The following DCAF12 variants were observed in gnomAD, a reference collection of about 807,000 sequenced individuals.
DCAF12 encodes DDB1- and CUL4-associated factor 12.
A neutral mutation model predicts 52.8 loss-of-function variants in DCAF12; 28 were observed. The observed-to-expected ratio is 0.53, with a 90% CI of 0.39 to 0.73. The LOEUF (loss-of-function observed/expected upper bound fraction) is 0.73, where lower values mean the gene tolerates loss of function less well. DCAF12 is among the 30% of genes least tolerant of loss of function. The probability of loss-of-function intolerance (pLI) is 0.00; values close to 1 mark genes in which losing one functional copy is unlikely to be tolerated. For missense variants in DCAF12, 425 were observed against 552.2 expected, an observed-to-expected ratio of 0.77 and a Z score of 2.31; for synonymous variants, 196 against 215.5, an observed-to-expected ratio of 0.91 and a Z score of 0.79.
At chr9:34,120,367 C>T (rs1462338226) in intron 2 of DCAF12, among the ~76,000 whole-genome samples, 1 of 151,856 alleles carries the variant, frequency 6.6e-6, no homozygotes, top group Non-Finnish European at 1.5e-5. Flanking sequence ...GTGCAAAATG[C>T]TGTCTTGAAA....
At chr9:34,108,999 TATATG>T (rs201084648) in intron 2 of DCAF12, among the ~76,000 whole-genome samples, 8 of 60,394 alleles carry the variant, frequency 1.3e-4, no homozygotes, top group Non-Finnish European at 2.8e-4. Context: ...TATATATATA[TATATG>T]GTTTTTTTTT....
intron 4 of DCAF12, among the ~76,000 whole-genome samples, chr9:34,100,919 A>G (rs1980887): frequency 0.7 from 106,218 of 151,554 alleles, 37,953 homozygotes; most frequent in Non-Finnish European, 0.77. Context: ...GATTAAAGGC[A>G]TGAGCCACCA....
intron 6 of DCAF12, chr9:34,096,346 C>A (rs938459774): frequency 5.0e-6 from 1 of 199,626 alleles, no homozygotes; most frequent in Non-Finnish European, 1.0e-5. Context: ...TGACTGCACT[C>A]CAACTTGGGT....
chr9:34,112,057 T>C (rs977279044), intron 2 of DCAF12, among the ~76,000 whole-genome samples: 9 of 150,460 alleles, frequency 6.0e-5, no homozygotes, highest in Non-Finnish European at 1.3e-4. Context: ...ACAGGAGAAT[T>C]GCTTAAACTC....
At chr9:34,100,449 C>T (rs1263686525) in intron 4 of DCAF12, among the ~76,000 whole-genome samples, 1 of 151,456 alleles carries the variant, frequency 6.6e-6, no homozygotes, top group African/African-American at 2.4e-5. Flanking sequence ...CCACCTGCCT[C>T]GGCCTCCCAA....
At chr9:34,115,577 G>A (rs1009806588) in intron 2 of DCAF12, among the ~76,000 whole-genome samples, 5 of 146,328 alleles carry the variant, frequency 3.4e-5, no homozygotes, top group African/African-American at 7.5e-5. Flanking sequence ...CCAGCCTGGC[G>A]ACAGAGCAAG....
rs771763243 is a variant in DCAF12 at position 34,126,348 on chromosome 9, C to G, written c.78+6G>C. Reference sequence around the variant, plus strand: ...ACCACCCAGGTGCCGGCCTCTCAACCCTCACCTGCGGGCCCTGAGCGTCGC... The same window carrying G: ...ACCACCCAGGTGCCGGCCTCTCAACGCTCACCTGCGGGCCCTGAGCGTCGC... On this transcript the variant is annotated splice_donor_region_variant and intron_variant, in intron 1 of 8. Transcript: ENST00000361264. 7 of 1,612,394 alleles carry G rather than the reference C, an allele frequency of 4.3e-6. No individual in the cohort carries two copies. The highest frequency in any genetic ancestry group is 5.9e-6 in the Non-Finnish European group (7 of 1,179,712).
Position 34,125,399 on chromosome 9 carries a change from A to C in DCAF12, c.79-122T>G, listed in dbSNP as rs1286403772. On this transcript the variant is annotated intron_variant, in intron 1 of 8. Coordinates refer to ENST00000361264, the MANE Select transcript of DCAF12 (RefSeq NM_015397.4). ...AGAATTTACAAACAACACAAATACA[A>C]ACACAAGAGAACAAGAATCTCAATC... 12 of 1,097,482 alleles carry C rather than the reference A, an allele frequency of 1.1e-5. No homozygotes were observed. The Admixed American group carries it at 2.9e-4, about 27-fold the overall frequency. The allele number at this position is 1,097,482 out of a possible 1,614,324, so 68.0% of individuals were successfully genotyped here. A position where few individuals can be genotyped will look rare whatever the true frequency, so the allele number is the denominator to read the frequency against.
intron 4 of DCAF12, among the ~76,000 whole-genome samples, chr9:34,105,072 G>A (rs1179293533): frequency 2.6e-5 from 4 of 151,066 alleles, no homozygotes; most frequent in Non-Finnish European, 4.4e-5. Context: ...GGCCAATATG[G>A]TGAAACCCCA....
Position 34,087,872 on chromosome 9 carries a change from T to A in DCAF12, c.*478A>T, listed in dbSNP as rs1055313593. 3.3e-5 allele frequency: 5 copies of A among 152,522 alleles called. No individual in the cohort carries two copies. Among genetic ancestry groups the A allele is most frequent in the African/African-American group, 9.7e-5 (4 of 41,358 alleles). The allele number at this position is 152,522 out of a possible 1,614,324, so 9.4% of individuals were successfully genotyped here. A position where few individuals can be genotyped will look rare whatever the true frequency, so the allele number is the denominator to read the frequency against. On this transcript the variant is annotated 3_prime_UTR_variant, in exon 9 of 9. Coordinates refer to ENST00000361264, the MANE Select transcript of DCAF12 (RefSeq NM_015397.4). ...GGTAATTTCAGTGACACACAGTACC[T>A]ACAGGCACACAAGATCACACACACA... is the stretch of plus-strand genomic sequence containing the variant.
intron 4 of DCAF12, among the ~76,000 whole-genome samples, chr9:34,105,123 G>A (rs1162845096): frequency 1.3e-5 from 2 of 151,986 alleles, no homozygotes; most frequent in Admixed American, 6.6e-5. Context: ...CGTGGTGGTG[G>A]GCACCTGTAA....
intron 5 of DCAF12, 45 bp downstream of exon 5, chr9:34,098,279 T>A (rs747824831): frequency 1.6e-5 from 26 of 1,584,456 alleles, no homozygotes; most frequent in Non-Finnish European, 2.2e-5. Flanking sequence ...TCCCAAGACA[T>A]AAGCAAGAGG....
At chr9:34,101,351 G>C (rs1400458271) in intron 4 of DCAF12, among the ~76,000 whole-genome samples, 1 of 151,826 alleles carries the variant, frequency 6.6e-6, no homozygotes, top group East Asian at 1.9e-4. Flanking sequence ...GGGACTACAA[G>C]TGTAAGCCAC....
chr9:34,126,649 T>A lies in DCAF12; in HGVS notation c.-218A>T. The A allele has an allele frequency of 3.4e-6, 2 of 588,342 alleles. No individual in the cohort carries two copies. The highest frequency in any genetic ancestry group is 2.2e-5 in the South Asian group (1 of 44,754). 36.4% of individuals were successfully genotyped at this position (588,342 alleles called of 1,614,324 possible). On this transcript the variant is annotated 5_prime_UTR_variant, in exon 1 of 9. Coordinates refer to ENST00000361264, the MANE Select transcript of DCAF12 (RefSeq NM_015397.4). ...CGGGAAAGGGAAGGGGAAGCGAGAATGAGCGGCTTTCCGACGGCAGAGCCT... is the reference window on the plus strand; with the variant it reads ...CGGGAAAGGGAAGGGGAAGCGAGAAAGAGCGGCTTTCCGACGGCAGAGCCT...
intron 2 of DCAF12, among the ~76,000 whole-genome samples, chr9:34,124,330 C>T (rs879917217): frequency 1.3e-5 from 2 of 152,200 alleles, no homozygotes; most frequent in African/African-American, 4.8e-5. Flanking sequence ...TCATGCTATT[C>T]GTGGACTCTA....
intron 2 of DCAF12, among the ~76,000 whole-genome samples, chr9:34,110,369 C>T (rs1828979748): frequency 6.6e-6 from 1 of 152,190 alleles, no homozygotes; most frequent in Non-Finnish European, 1.5e-5. Flanking sequence ...GCCTAACCTA[C>T]CTCCTAAATA....
At chr9:34,123,714 A>C (rs760731299) in intron 2 of DCAF12, among the ~76,000 whole-genome samples, 1 of 152,162 alleles carries the variant, frequency 6.6e-6, no homozygotes, top group African/African-American at 2.4e-5. Flanking sequence ...TGATTAATTC[A>C]GTTTACAATT....
In DCAF12 at chr9:34,096,784, A is replaced by T. The variant is rs137967423; in HGVS notation, c.796-3T>A. The T allele has an allele frequency of 1.2e-6, 2 of 1,613,490 alleles. No individual in the cohort carries two copies. The highest frequency in any genetic ancestry group is 1.7e-5 in the Admixed American group (1 of 59,930). On this transcript the variant is annotated splice_polypyrimidine_tract_variant and splice_region_variant and intron_variant, in intron 5 of 8. Coordinates refer to ENST00000361264, the MANE Select transcript of DCAF12 (RefSeq NM_015397.4). ...TCCAGAGACACTGCTCCCAGTTCCT[A>T]CAAGAGCAATGAAAACCAGGTTATA...
At chr9:34,101,093 A>C (rs1828822241) in intron 4 of DCAF12, among the ~76,000 whole-genome samples, 1 of 140,648 alleles carries the variant, frequency 7.1e-6, no homozygotes, top group Non-Finnish European at 1.5e-5. Flanking sequence ...TTTAAATGAG[A>C]CAGGTTCTGG....
Sources: gnomAD v4.1 joint callset for allele counts (sites outside exome capture counted in the v4.1 genomes callset) on GRCh38, gnomAD v4.1.1 for gene constraint, MANE v1.5 for transcripts, NCBI Gene and HGNC (gene_info 2026-07-23, HGNC 2026-07-21) for gene names.